Variants in GALNTL6 observed in about 807,000 individuals in gnomAD.
GALNTL6 encodes polypeptide N-acetylgalactosaminyltransferase-like 6.
In GALNTL6, 46 loss-of-function variants were observed where a neutral mutation model predicts 73.7. The ratio of observed to expected loss-of-function variants is 0.62; its 90% CI spans 0.49 to 0.80. The LOEUF (loss-of-function observed/expected upper bound fraction) is 0.80, where lower values mean the gene tolerates loss of function less well. Ranked by LOEUF, GALNTL6 falls within the 30% of genes least tolerant of loss-of-function variation. The pLI is 0.00. For missense variants in GALNTL6, 604 were observed against 755.0 expected (o/e 0.80, Z 2.34); for synonymous variants, 259 against 263.7 (o/e 0.98, Z 0.17).
At chr4:172,609,473 T>G (rs966518671) in intron 5 of GALNTL6, among the ~76,000 whole-genome samples, 1 of 152,174 alleles carries the variant, frequency 6.6e-6, no homozygotes, top group African/African-American at 2.4e-5. Context: ...GAACCGAACT[T>G]GCATCCCAGG....
intron 5 of GALNTL6, among the ~76,000 whole-genome samples, chr4:172,351,181 G>GTCTGTCTA (rs139731159): frequency 0.23 from 27,519 of 122,132 alleles, 2,774 homozygotes; most frequent in Non-Finnish European, 0.27. Flanking sequence ...ACAATAATCT[G>GTCTGTCTA]TCTATCTATC....
intron 5 of GALNTL6, among the ~76,000 whole-genome samples, chr4:172,679,131 G>A (rs1263483841): frequency 6.6e-6 from 1 of 152,090 alleles, no homozygotes; most frequent in African/African-American, 2.4e-5. Context: ...GTAAAGGCTG[G>A]CTGGGCACAG....
chr4:172,336,164 G>T (rs1357632261), intron 4 of GALNTL6, among the ~76,000 whole-genome samples: 4 of 151,222 alleles, frequency 2.6e-5, no homozygotes, highest in Admixed American at 6.6e-5. Flanking sequence ...TTATTTCAAA[G>T]AATTTTGTTT....
intron 2 of GALNTL6, among the ~76,000 whole-genome samples, chr4:172,190,547 A>G (rs186706019): frequency 6.6e-6 from 1 of 152,300 alleles, no homozygotes; most frequent in Admixed American, 6.5e-5. Context: ...AGGAAGGTGC[A>G]TTTTAAAAAG....
chr4:172,805,844 G>A (rs1740924733), intron 5 of GALNTL6, among the ~76,000 whole-genome samples: 1 of 152,066 alleles, frequency 6.6e-6, no homozygotes, highest in African/African-American at 2.4e-5. Context: ...GAAATGGGGG[G>A]AGTAAATTGG....
chr4:172,467,517 TC>T (rs994083516), intron 5 of GALNTL6, among the ~76,000 whole-genome samples: 1 of 152,114 alleles, frequency 6.6e-6, no homozygotes, highest in Admixed American at 6.5e-5. Context: ...GCTCGGTTTG[TC>T]ACATGGCAGT....
chr4:172,539,361 C>T (rs1397641203), intron 5 of GALNTL6, among the ~76,000 whole-genome samples: 1 of 152,180 alleles, frequency 6.6e-6, no homozygotes, highest in East Asian at 1.9e-4. Flanking sequence ...TGTTACCAGG[C>T]AATAAAGTAA....
chr4:172,088,987 G>A lies in GALNTL6; in HGVS notation c.139-140669G>A, dbSNP rs527393821. 3.3e-5 allele frequency among the ~76,000 whole-genome samples: 5 copies of A among 152,322 alleles called. No homozygotes were observed. In the East Asian group the frequency reaches 7.7e-4, roughly 24 times the overall value. ...ATAGAGAAATCAGGGTAGTAATCAA[G>A]TGGCGTGAGACCTGCAAAAGAAGAA... is the stretch of plus-strand genomic sequence containing the variant. On this transcript the variant is annotated intron_variant, in intron 2 of 12. Coordinates refer to ENST00000506823, the MANE Select transcript of GALNTL6 (RefSeq NM_001034845.3).
intron 5 of GALNTL6, among the ~76,000 whole-genome samples, chr4:172,565,644 C>A (rs1736525892): frequency 1.3e-5 from 2 of 152,162 alleles, no homozygotes; most frequent in Admixed American, 1.3e-4. Context: ...GCTTCCTCTT[C>A]TTCAGATTTT....
At chr4:172,672,436 G>A (rs186442448) in intron 5 of GALNTL6, among the ~76,000 whole-genome samples, 89 of 152,244 alleles carry the variant, frequency 5.8e-4, no homozygotes, top group African/African-American at 2.0e-3. Context: ...GAGGATTTTT[G>A]CATTGATGTT....
At chr4:172,514,882 T>C (rs1399717704) in intron 5 of GALNTL6, among the ~76,000 whole-genome samples, 1 of 152,206 alleles carries the variant, frequency 6.6e-6, no homozygotes. Flanking sequence ...TTTTCAGGCT[T>C]CCTAGTAAGG....
At chr4:172,163,767 A>G (rs112706017) in intron 2 of GALNTL6, among the ~76,000 whole-genome samples, 6 of 152,148 alleles carry the variant, frequency 3.9e-5, no homozygotes, top group African/African-American at 1.2e-4. Context: ...GTAAGCCTCA[A>G]TGGAAATTGC....
At chr4:172,064,967 G>C (rs554004291) in intron 2 of GALNTL6, among the ~76,000 whole-genome samples, 5 of 152,026 alleles carry the variant, frequency 3.3e-5, no homozygotes, top group Admixed American at 1.3e-4. Context: ...TCTTCATGCT[G>C]TTATGTTAAA....
intron 5 of GALNTL6, among the ~76,000 whole-genome samples, chr4:172,473,428 C>T (rs1377076900): frequency 6.6e-6 from 1 of 152,110 alleles, no homozygotes; most frequent in African/African-American, 2.4e-5. Flanking sequence ...GTTTTGGATT[C>T]TTCTGCCATT....
At chr4:172,573,558 AT>A (rs1039694719) in intron 5 of GALNTL6, among the ~76,000 whole-genome samples, 7 of 152,310 alleles carry the variant, frequency 4.6e-5, no homozygotes, top group East Asian at 1.9e-4. Flanking sequence ...AATAAAAAAA[AT>A]AAGTGGTATG....
At chr4:172,649,559 A>T (rs1349122577) in intron 5 of GALNTL6, among the ~76,000 whole-genome samples, 1 of 152,220 alleles carries the variant, frequency 6.6e-6, no homozygotes, top group Non-Finnish European at 1.5e-5. Flanking sequence ...TTTTTTAGTG[A>T]TAACAAATAA....
chr4:172,419,901 A>T (rs1730993764), intron 5 of GALNTL6, among the ~76,000 whole-genome samples: 1 of 152,198 alleles, frequency 6.6e-6, no homozygotes, highest in South Asian at 2.1e-4. Context: ...GTCAGCACTA[A>T]CTGCACAAAA....
At position 171,989,176 on chromosome 4, in the gene GALNTL6, A is replaced by G. The variant is rs182488578; in HGVS notation, c.138+174458A>G. 5.5e-4 allele frequency among the ~76,000 whole-genome samples: 83 copies of G among 152,264 alleles called. 1 individual carries two copies. The highest frequency in any genetic ancestry group is 2.7e-3 in the South Asian group (13 of 4,822). On this transcript the variant is annotated intron_variant, in intron 2 of 12. Coordinates refer to ENST00000506823, the MANE Select transcript of GALNTL6 (RefSeq NM_001034845.3). ...CTTGAAAATAAGGTAATATGGAGTGAGTAGCCTCCGTATTGATTAAGAAGG... is the reference window on the plus strand; with the variant it reads ...CTTGAAAATAAGGTAATATGGAGTGGGTAGCCTCCGTATTGATTAAGAAGG...
chr4:171,893,204 A>G (rs575671303), intron 2 of GALNTL6, among the ~76,000 whole-genome samples: 111 of 152,356 alleles, frequency 7.3e-4, no homozygotes, highest in African/African-American at 2.6e-3. Context: ...TGCTTCAGGA[A>G]TTAATCCACA....
Sources: allele counts gnomAD v4.1 joint callset (sites outside exome capture counted in the v4.1 genomes callset), GRCh38; gene constraint gnomAD v4.1.1; transcripts MANE v1.5; gene names NCBI Gene and HGNC (gene_info 2026-07-23, HGNC 2026-07-21).